RB1: variants seen among roughly 807,000 people sequenced by gnomAD.
RB1 encodes retinoblastoma-associated protein.
A neutral mutation model predicts 135.4 loss-of-function variants in RB1; 18 were observed. The observed-to-expected ratio is 0.13, with a 90% CI of 0.09 to 0.20. The LOEUF (loss-of-function observed/expected upper bound fraction) is 0.20. Ranked by LOEUF, RB1 falls within the 10% of genes least tolerant of loss-of-function variation. The pLI, the probability that RB1 is intolerant of heterozygous loss-of-function variation, is 1.00. For synonymous variants in RB1, 365 were observed against 373.2 expected (o/e 0.98, Z 0.25); for missense variants, 868 against 1,110.0 (o/e 0.78, Z 3.10).
chr13:48,388,522 A>C (rs917551937), intron 17 of RB1, among the ~76,000 whole-genome samples: 1 of 152,144 alleles, frequency 6.6e-6, no homozygotes, highest in African/African-American at 2.4e-5. Flanking sequence ...AATTTTCATC[A>C]TAATCCATGA....
chr13:48,408,007 G>C lies in RB1; in HGVS notation c.1695+26564G>C, dbSNP rs572947955. ...GTTCATCAGGTGTCCAAAATTGTAG[G>C]ACCAAAAAGCAATTGCTTCAGATTC... On this transcript the variant is annotated intron_variant, in intron 17 of 26. Transcript: ENST00000267163. Among the ~76,000 whole-genome samples the C allele has an allele frequency of 3.9e-5, 6 of 152,100 alleles. No homozygotes were observed. In the South Asian group the frequency reaches 1.2e-3, roughly 32 times the overall value.
chr13:48,373,291 G>A, intron 11 of RB1, 114 bp from the exon 12 acceptor site: 1 of 715,354 alleles, frequency 1.4e-6, no homozygotes, highest in Non-Finnish European at 2.6e-6. Context: ...GTAGAGACAA[G>A]TGGGAGGCAG....
intron 2 of RB1, chr13:48,318,259 T>C: frequency 1.2e-6 from 1 of 846,620 alleles, no homozygotes; most frequent in East Asian, 2.7e-5. Flanking sequence ...GGCGGGCTTC[T>C]GTCTTTCCAG....
At chr13:48,454,050 T>G (rs770991375) in intron 18 of RB1, among the ~76,000 whole-genome samples, 2 of 152,244 alleles carry the variant, frequency 1.3e-5, no homozygotes, top group African/African-American at 2.4e-5. Context: ...TGCTGGGCAA[T>G]GGCCTAAGTA....
chr13:48,427,168 G>C (rs1949091699), intron 17 of RB1, among the ~76,000 whole-genome samples: 1 of 149,514 alleles, frequency 6.7e-6, no homozygotes, highest in South Asian at 2.1e-4. Flanking sequence ...TTCAACACGA[G>C]TCATCTACCA....
At chr13:48,350,271 T>C (rs1241499796) in intron 6 of RB1, among the ~76,000 whole-genome samples, 2 of 152,112 alleles carry the variant, frequency 1.3e-5, no homozygotes, top group East Asian at 1.9e-4. Context: ...TTCTCAAGGA[T>C]AGACCATGTG....
chr13:48,350,270 A>G (rs1442372543), intron 6 of RB1, among the ~76,000 whole-genome samples: 8 of 152,184 alleles, frequency 5.3e-5, no homozygotes, highest in Non-Finnish European at 2.9e-5. Flanking sequence ...ATTCTCAAGG[A>G]TAGACCATGT....
intron 2 of RB1, chr13:48,340,695 G>A: frequency 5.7e-6 from 1 of 174,492 alleles, no homozygotes; most frequent in Non-Finnish European, 1.2e-5. Flanking sequence ...AAAATTTAAA[G>A]ACTATGGTAG....
intron 19 of RB1, among the ~76,000 whole-genome samples, chr13:48,457,958 G>T (rs1205547565): frequency 6.6e-6 from 1 of 152,182 alleles, no homozygotes; most frequent in Non-Finnish European, 1.5e-5. Context: ...CCACAGCCAC[G>T]GTTTGGGTAG....
At chr13:48,399,941 C>G (rs1320241164) in intron 17 of RB1, among the ~76,000 whole-genome samples, 2 of 151,978 alleles carry the variant, frequency 1.3e-5, no homozygotes, top group Non-Finnish European at 2.9e-5. Flanking sequence ...TCATGTCACT[C>G]CTCCCCACCA....
intron 23 of RB1, among the ~76,000 whole-genome samples, chr13:48,470,904 G>C (rs1949464472): frequency 1.3e-4 from 1 of 7,780 alleles, no homozygotes; most frequent in African/African-American, 2.3e-4. Context: ...AAAAAGTCAG[G>C]AAACAACAGG....
intron 2 of RB1, among the ~76,000 whole-genome samples, chr13:48,324,287 T>C (rs529617754): frequency 6.6e-6 from 1 of 152,262 alleles, no homozygotes; most frequent in African/African-American, 2.4e-5. Context: ...GACTATATAG[T>C]GTTTCCATAG....
intron 2 of RB1, chr13:48,328,310 A>G (rs1952304971): frequency 3.1e-6 from 5 of 1,592,038 alleles, no homozygotes; most frequent in East Asian, 2.2e-5. Flanking sequence ...TTTTTGGAGC[A>G]AGAGTTGGAA....
intron 19 of RB1, among the ~76,000 whole-genome samples, chr13:48,458,384 A>T (rs1949375337): frequency 6.6e-6 from 1 of 152,240 alleles, no homozygotes; most frequent in African/African-American, 2.4e-5. Flanking sequence ...TTTGAAAGAC[A>T]GTAAAAGGTC....
chr13:48,465,304 C>G lies in RB1; in HGVS notation c.2425C>G (p.Leu809Val), dbSNP rs768761378. Reference sequence around the variant, plus strand: ...TGGAGGGAACATCTATATTTCACCCCTGAAGAGTCCATATAAAATTTCAGA... The same window carrying G: ...TGGAGGGAACATCTATATTTCACCCGTGAAGAGTCCATATAAAATTTCAGA... ...IPGGNIYISPLKSPYKISEGL... is the reference protein window; with the variant it reads ...IPGGNIYISPVKSPYKISEGL... Residue 809 changes from leucine (L) to valine (V), a missense_variant, in exon 23 of 27, where the codon CTG becomes GTG. Transcript: ENST00000267163. 1 of 1,611,186 alleles carries G rather than the reference C, an allele frequency of 6.2e-7. No homozygotes were observed. Among genetic ancestry groups the G allele is most frequent in the Non-Finnish European group, 8.5e-7 (1 of 1,177,414 alleles).
intron 2 of RB1, among the ~76,000 whole-genome samples, chr13:48,324,336 G>A (rs944899924): frequency 1.3e-5 from 2 of 151,238 alleles, no homozygotes; most frequent in Non-Finnish European, 2.9e-5. Flanking sequence ...CTGTCTTTTT[G>A]TACCCATTAA....
At position 48,325,543 on chromosome 13, in the gene RB1, A is replaced by G. The variant is rs1023132018; in HGVS notation, c.265-17056A>G. Among the ~76,000 whole-genome samples, 5 of 152,202 alleles carry G rather than the reference A, an allele frequency of 3.3e-5. No individual in the cohort carries two copies. In the East Asian group the frequency reaches 9.6e-4, roughly 29 times the overall value. On this transcript the variant is annotated intron_variant, in intron 2 of 26. Coordinates refer to ENST00000267163, the MANE Select transcript of RB1 (RefSeq NM_000321.3). The stretch of plus-strand genomic sequence containing the variant: ...AGTATAAACAGTAAAAAGTCTCCTC[A>G]TTCCTTTCCCTAAGCCACCCACTTC...
At position 48,319,301 on chromosome 13, in the gene RB1, C is replaced by T. The variant is rs1239214458; in HGVS notation, c.264+11895C>T. On this transcript the variant is annotated intron_variant, in intron 2 of 26. Transcript: ENST00000267163. The surrounding 1 kb of genome is among the most constrained non-coding windows in gnomAD (Gnocchi z 5.0). ...TGTGCGGGGTCAGGCGTCCTCTCTC[C>T]TCCCGGCGCTGGGCCCTCTGGGGCA... is the stretch of plus-strand genomic sequence containing the variant. The T allele has an allele frequency of 1.4e-5, 9 of 662,406 alleles. No homozygotes were observed. Among genetic ancestry groups the T allele is most frequent in the Middle Eastern group, 4.9e-4 (1 of 2,054 alleles). The allele number at this position is 662,406 out of a possible 1,614,324, so 41.0% of individuals were successfully genotyped here.
Position 48,319,038 on chromosome 13 carries a change from C to A in RB1, c.264+11632C>A. 1 of 649,604 alleles carries A rather than the reference C, an allele frequency of 1.5e-6. No homozygotes were observed. Among genetic ancestry groups the A allele is most frequent in the Admixed American group, 2.0e-5 (1 of 49,358 alleles). 40.2% of individuals were successfully genotyped at this position (649,604 alleles called of 1,614,324 possible). On this transcript the variant is annotated intron_variant, in intron 2 of 26. Coordinates refer to ENST00000267163, the MANE Select transcript of RB1 (RefSeq NM_000321.3). This position sits in a 1 kb window ranked among gnomAD's most constrained non-coding sequence, Gnocchi z 5.0. Reference sequence around the variant, plus strand: ...TTGGAAATGCCCAAGATTGCTTCCGCGCGCGTCAGTTCAGCGGACGTGTCT... The same window carrying A: ...TTGGAAATGCCCAAGATTGCTTCCGAGCGCGTCAGTTCAGCGGACGTGTCT...
Sources: gnomAD v4.1 joint callset for allele counts (sites outside exome capture counted in the v4.1 genomes callset) on GRCh38, gnomAD v4.1.1 for gene constraint, Gnocchi (gnomAD v3.1) non-coding constraint, MANE v1.5 for transcripts, NCBI Gene and HGNC (gene_info 2026-07-23, HGNC 2026-07-21) for gene names.